The following RTN4R variants were observed in gnomAD, a reference collection of about 807,000 sequenced individuals.
The protein encoded by RTN4R is reticulon 4 receptor, also known as reticulon-4 receptor.
RTN4R carries 4 observed loss-of-function variants against 27.7 expected under a neutral mutation model. That is an observed-to-expected ratio of 0.14 (90% CI 0.07 to 0.33). RTN4R has a LOEUF of 0.33. Among genes scored for constraint, RTN4R ranks in the 10% least tolerant of loss-of-function variants. The pLI, the probability that RTN4R is intolerant of heterozygous loss-of-function variation, is 1.00. For synonymous variants in RTN4R, 290 were observed against 305.6 expected, an observed-to-expected ratio of 0.95 and a Z score of 0.53; for missense variants, 554 against 671.5, an observed-to-expected ratio of 0.83 and a Z score of 1.93.
chr22:20,267,549 C>A (rs2051285387), intron 1 of RTN4R: 1 of 462,402 alleles, frequency 2.2e-6, no homozygotes, highest in South Asian at 1.6e-5. Context: ...GCTGGGACAA[C>A]CCTGTCCCCC....
chr22:20,249,803 C>T lies in RTN4R; in HGVS notation c.23-6693G>A, dbSNP rs575853165. On this transcript the variant is annotated intron_variant, in intron 1 of 1. Transcript: ENST00000043402. ...TGTAAAACATGATCAACCAGGCAGG[C>T]GAGCGGCCTCTGTCCGAGCAGAATT... 3.2e-4 allele frequency among the ~76,000 whole-genome samples: 48 copies of T among 152,318 alleles called. No individual in the cohort carries two copies. The South Asian group carries it at 8.5e-3, about 27-fold the overall frequency.
At chr22:20,262,724 C>T (rs1452484006) in intron 1 of RTN4R, among the ~76,000 whole-genome samples, 2 of 152,224 alleles carry the variant, frequency 1.3e-5, no homozygotes, top group African/African-American at 2.4e-5. Flanking sequence ...GGCTACCAGC[C>T]GTGGACTGCA....
chr22:20,267,640 C>T (rs1472257684), intron 1 of RTN4R: 1 of 467,716 alleles, frequency 2.1e-6, no homozygotes, highest in South Asian at 1.6e-5. Flanking sequence ...GAGCCCAGAC[C>T]GTGAGGCTGG....
chr22:20,242,438 T>C lies in RTN4R; in HGVS notation c.695A>G (p.Tyr232Cys). 6.2e-7 allele frequency: 1 copy of C among 1,613,330 alleles called. No individual in the cohort carries two copies. The highest frequency in any genetic ancestry group is 8.5e-7 in the Non-Finnish European group (1 of 1,179,924). ...FRDLGRLMTL[Y>C]LFANNLSALP... ...CGCTGATAGATTGTTGGCAAACAGA[T>C]AGAGTGTCATGAGGCGGCCAAGGTC... The change falls in exon 2 of 2, where the codon TAT (tyrosine) becomes TGT (cysteine). Residue 232 changes from tyrosine (Y) to cysteine (C), a missense_variant. Tyr to Cys is a radical substitution (Grantham distance 194). Around this residue, in one of 2 missense-constraint regions of RTN4R, gnomAD observed 413 missense variants for 542.3 expected, o/e 0.76. Coordinates refer to ENST00000043402, the MANE Select transcript of RTN4R (RefSeq NM_023004.6).
chr22:20,266,958 C>A (rs1017478292), intron 1 of RTN4R, among the ~76,000 whole-genome samples: 7 of 152,238 alleles, frequency 4.6e-5, no homozygotes, highest in African/African-American at 7.2e-5. Context: ...GGATGTCTTG[C>A]CCCTGTCTGT....
chr22:20,241,749 G>C lies in RTN4R; in HGVS notation c.1384C>G (p.Leu462Val). The part of the protein sequence containing the change: ...SLTCSLTPLG[L>V]ALVLWTVLGP... ...AGCACTGTCCACAGCACCAGCGCCA[G>C]GCCCAGGGGGGTGAGGCTGCAGGTG... Residue 462 changes from leucine (L) to valine (V), a missense_variant, in exon 2 of 2, where the codon CTG becomes GTG. Transcript: ENST00000043402. 2 of 1,551,872 alleles carry C rather than the reference G, an allele frequency of 1.3e-6. No individual in the cohort carries two copies. The highest frequency in any genetic ancestry group is 1.7e-6 in the Non-Finnish European group (2 of 1,147,694).
Position 20,241,646 on chromosome 22 carries a change from C to T in RTN4R, c.*65G>A, listed in dbSNP as rs930479614. 7.2e-6 allele frequency: 11 copies of T among 1,532,142 alleles called. No individual in the cohort carries two copies. Among genetic ancestry groups the T allele is most frequent in the South Asian group, 1.2e-5 (1 of 83,300 alleles). 94.9% of individuals were successfully genotyped at this position (1,532,142 alleles called of 1,614,324 possible). On this transcript the variant is annotated 3_prime_UTR_variant, in exon 2 of 2. Coordinates refer to ENST00000043402, the MANE Select transcript of RTN4R (RefSeq NM_023004.6). ...GTCGGCCGCCCGGCTGGCTTGGCGG[C>T]GTGGAGAGAGACCCCGTATGTACAC...
chr22:20,241,642 G>A lies in RTN4R; in HGVS notation c.*69C>T, dbSNP rs1485272980. 5 of 1,529,276 alleles carry A rather than the reference G, an allele frequency of 3.3e-6. No homozygotes were observed. In the Admixed American group the frequency reaches 7.9e-5, roughly 24 times the overall value. 94.7% of individuals were successfully genotyped at this position (1,529,276 alleles called of 1,614,324 possible). On this transcript the variant is annotated 3_prime_UTR_variant, in exon 2 of 2. Transcript: ENST00000043402. ...ACGGGTCGGCCGCCCGGCTGGCTTGGCGGCGTGGAGAGAGACCCCGTATGT... is the reference window on the plus strand; with the variant it reads ...ACGGGTCGGCCGCCCGGCTGGCTTGACGGCGTGGAGAGAGACCCCGTATGT...
In RTN4R at chr22:20,241,776, G is replaced by C; in HGVS notation, c.1357C>G (p.Leu453Val). Residue 453 changes from leucine (L) to valine (V), a missense_variant, in exon 2 of 2, where the codon CTC becomes GTC. Transcript: ENST00000043402. ...CCCAGGGGGGTGAGGCTGCAGGTGA[G>C]GCTGGGTAGGGCACCTGAGCCTTCT... ...DSEGSGALPS[L>V]TCSLTPLGLA... is the part of the protein sequence containing the mutation. 6.4e-7 allele frequency: 1 copy of C among 1,556,736 alleles called. No individual in the cohort carries two copies. The highest frequency in any genetic ancestry group is 8.7e-7 in the Non-Finnish European group (1 of 1,150,576).
At chr22:20,267,063 C>G (rs2051281941) in intron 1 of RTN4R, among the ~76,000 whole-genome samples, 1 of 152,374 alleles carries the variant, frequency 6.6e-6, no homozygotes, top group South Asian at 2.1e-4. Flanking sequence ...GAGACCACAG[C>G]AGGCATGCCG....
intron 1 of RTN4R, among the ~76,000 whole-genome samples, chr22:20,247,047 G>T (rs1304426045): frequency 6.6e-6 from 1 of 152,222 alleles, no homozygotes; most frequent in African/African-American, 2.4e-5. Context: ...AAGGCTGGCG[G>T]CCTGGCTAGT....
At position 20,241,611 on chromosome 22, in the gene RTN4R, T is replaced by C; in HGVS notation, c.*100A>G. The C allele has an allele frequency of 1.5e-6, 2 of 1,362,912 alleles. No homozygotes were observed. The highest frequency in any genetic ancestry group is 2.0e-6 in the Non-Finnish European group (2 of 985,918). 84.4% of individuals were successfully genotyped at this position (1,362,912 alleles called of 1,614,324 possible). ...CCATCAGGGAGGACCTGGCCTGGCC[T>C]GCCCCACGGGTCGGCCGCCCGGCTG... On this transcript the variant is annotated 3_prime_UTR_variant, in exon 2 of 2. Transcript: ENST00000043402.
chr22:20,253,318 C>T (rs935690390), intron 1 of RTN4R, among the ~76,000 whole-genome samples: 3 of 152,200 alleles, frequency 2.0e-5, no homozygotes, highest in African/African-American at 7.2e-5. Flanking sequence ...TGCTCAGAGT[C>T]GAGTTGCTGT....
intron 1 of RTN4R, among the ~76,000 whole-genome samples, chr22:20,256,956 G>A (rs2051215453): frequency 6.6e-6 from 1 of 152,244 alleles, no homozygotes; most frequent in South Asian, 2.1e-4. Context: ...ACACCTCGCT[G>A]GCCCACTTAG....
Position 20,242,471 on chromosome 22 carries a change from G to A in RTN4R, c.662C>T (p.Ala221Val). 6.2e-7 allele frequency: 1 copy of A among 1,613,716 alleles called. No homozygotes were observed. The highest frequency in any genetic ancestry group is 8.5e-7 in the Non-Finnish European group (1 of 1,179,992). ...CATGAGGCGGCCAAGGTCACGGAAG[G>A]CATGCGGGTGCACATGGGCCACGCG... ...QNRVAHVHPH[A>V]FRDLGRLMTL... is the part of the protein sequence containing the mutation. The change falls in exon 2 of 2, where the codon GCC (alanine) becomes GTC (valine). Residue 221 changes from alanine to valine, a missense_variant. Physicochemically the swap from Ala to Val is moderately conservative, Grantham distance 64. Around this residue, in one of 2 missense-constraint regions of RTN4R, gnomAD observed 413 missense variants for 542.3 expected, o/e 0.76. Coordinates refer to ENST00000043402, the MANE Select transcript of RTN4R (RefSeq NM_023004.6).
chr22:20,255,299 C>T lies in RTN4R; in HGVS notation c.23-12189G>A, dbSNP rs1309784628. Among the ~76,000 whole-genome samples, 1 of 152,188 alleles carries T rather than the reference C, an allele frequency of 6.6e-6. No homozygotes were observed. Among genetic ancestry groups the T allele is most frequent in the Admixed American group, 6.5e-5 (1 of 15,288 alleles). On this transcript the variant is annotated intron_variant, in intron 1 of 1. Transcript: ENST00000043402. The surrounding 1 kb of genome is among the most constrained non-coding windows in gnomAD (Gnocchi z 4.8). ...AAGAAAAAAAAGAAAGTGTATCTTC[C>T]AGAAGGTGGAGACAAATGTAGGTTA...
intron 1 of RTN4R, among the ~76,000 whole-genome samples, chr22:20,244,853 G>A (rs2051130724): frequency 6.6e-6 from 1 of 152,104 alleles, no homozygotes; most frequent in Admixed American, 6.5e-5. Context: ...CACTGACTGT[G>A]GGGGTCACCA....
intron 1 of RTN4R, among the ~76,000 whole-genome samples, chr22:20,245,744 C>T (rs998074815): frequency 6.6e-6 from 1 of 152,216 alleles, no homozygotes; most frequent in Non-Finnish European, 1.5e-5. Context: ...CTGGAGATAG[C>T]ATGGCCTCCC....
At position 20,242,047 on chromosome 22, in the gene RTN4R, G is replaced by A. The variant is rs145150796; in HGVS notation, c.1086C>T (p.Arg362=). 1.2e-4 allele frequency: 192 copies of A among 1,612,360 alleles called. 1 individual carries two copies. The African/African-American group carries it at 2.4e-3, about 20-fold the overall frequency. The change falls in exon 2 of 2, where the codon CGC becomes CGT. Residue 362 remains arginine, a synonymous_variant. Coordinates refer to ENST00000043402, the MANE Select transcript of RTN4R (RefSeq NM_023004.6). ...PASAGNALKG[R]VPPGDSPPGN... is the part of the protein sequence containing the mutation. ...CCGGCGGGCTGTCACCGGGCGGCAC[G>A]CGTCCCTTCAGCGCATTGCCTGCCG...
Sources: allele counts gnomAD v4.1 joint callset (sites outside exome capture counted in the v4.1 genomes callset), GRCh38; gene constraint gnomAD v4.1.1; regional missense constraint gnomAD v4.1.1; non-coding constraint Gnocchi (gnomAD v3.1); transcripts MANE v1.5; gene names NCBI Gene and HGNC (gene_info 2026-07-23, HGNC 2026-07-21).